Variants in EHMT1 observed in about 807,000 individuals in gnomAD.
The protein encoded by EHMT1 is euchromatic histone lysine methyltransferase 1, also known as histone-lysine N-methyltransferase EHMT1.
A neutral mutation model predicts 147.2 loss-of-function variants in EHMT1; 15 were observed. That is an observed-to-expected ratio of 0.10 (90% CI 0.07 to 0.16). EHMT1 has a LOEUF of 0.16. EHMT1 is among the 10% of genes least tolerant of loss of function. The probability of loss-of-function intolerance (pLI) is 1.00; values close to 1 mark genes in which losing one functional copy is unlikely to be tolerated. For missense variants in EHMT1, 1,587 were observed against 1,772.4 expected (o/e 0.90, Z 1.88); for synonymous variants, 795 against 709.6 (o/e 1.12, Z -1.91).
chr9:137,782,570 C>T lies in EHMT1; in HGVS notation c.2382+173C>T, dbSNP rs374921597. Among the ~76,000 whole-genome samples the T allele has an allele frequency of 9.2e-5, 14 of 152,310 alleles. No individual in the cohort carries two copies. The East Asian group carries it at 2.3e-3, about 25-fold the overall frequency. ...GTCCTGCAGGTGGATCAGTGCTTCCCGCTGTTTCTTCCGGCATTTACCACG... is the reference window on the plus strand; with the variant it reads ...GTCCTGCAGGTGGATCAGTGCTTCCTGCTGTTTCTTCCGGCATTTACCACG... On this transcript the variant is annotated intron_variant, in intron 15 of 26. Coordinates refer to ENST00000460843, the MANE Select transcript of EHMT1 (RefSeq NM_024757.5). The surrounding 1 kb of genome is among the most constrained non-coding windows in gnomAD (Gnocchi z 5.7).
intron 1 of EHMT1, among the ~76,000 whole-genome samples, chr9:137,634,759 G>A (rs1286422396): frequency 7.1e-6 from 1 of 141,456 alleles, no homozygotes; most frequent in African/African-American, 2.7e-5. Flanking sequence ...CTGGAGTGCC[G>A]TGGTGCGATC....
intron 1 of EHMT1, among the ~76,000 whole-genome samples, chr9:137,679,114 C>T (rs1200011385): frequency 6.6e-6 from 1 of 152,076 alleles, no homozygotes; most frequent in African/African-American, 2.4e-5. Flanking sequence ...CCATGCCCAG[C>T]TAATTTTTGT....
intron 23 of EHMT1, chr9:137,816,304 C>A: frequency 1.7e-6 from 1 of 577,620 alleles, no homozygotes; most frequent in Non-Finnish European, 3.2e-6. Flanking sequence ...GTTGTTGGGT[C>A]AGTCCAGCTA....
chr9:137,744,933 T>G, intron 6 of EHMT1, among the ~76,000 whole-genome samples: 1 of 152,274 alleles, frequency 6.6e-6, no homozygotes, highest in East Asian at 1.9e-4. Flanking sequence ...GTTTCGGAGT[T>G]ACATTCATGC....
At chr9:137,814,687 C>G in intron 22 of EHMT1, 179 bp downstream of exon 22, 1 of 709,828 alleles carries the variant, frequency 1.4e-6, no homozygotes, top group South Asian at 1.6e-5. Context: ...GAGTCAGGGT[C>G]GTGAGCCGAG....
intron 3 of EHMT1, among the ~76,000 whole-genome samples, chr9:137,718,140 T>C (rs116422099): frequency 0.16 from 21,249 of 135,952 alleles, 2,744 homozygotes; most frequent in African/African-American, 0.42. Context: ...AGGGCGCGCC[T>C]GCCCCTCACA....
chr9:137,789,041 T>C, intron 15 of EHMT1: 1 of 152,664 alleles, frequency 6.6e-6, no homozygotes, highest in Non-Finnish European at 1.5e-5. Context: ...AGAGCTTTCT[T>C]GGACTTTGTC....
chr9:137,792,474 G>A (rs1457812407), intron 16 of EHMT1, among the ~76,000 whole-genome samples: 1 of 152,216 alleles, frequency 6.6e-6, no homozygotes, highest in South Asian at 2.1e-4. Context: ...GGAGGCTGAG[G>A]CAGGTGGATC....
intron 21 of EHMT1, 162 bp from the exon 22 acceptor site, chr9:137,814,269 C>A: frequency 1.3e-6 from 1 of 755,104 alleles, no homozygotes; most frequent in South Asian, 1.5e-5. Context: ...CATGTTTCTG[C>A]CTGCACAGCC....
intron 1 of EHMT1, among the ~76,000 whole-genome samples, chr9:137,677,156 CAG>C (rs1223636001): frequency 1.3e-5 from 2 of 151,346 alleles, no homozygotes; most frequent in East Asian, 1.9e-4. Flanking sequence ...TTTTTTAAGA[CAG>C]AGTTTCGCTC....
chr9:137,792,453 C>A (rs902665419), intron 16 of EHMT1, among the ~76,000 whole-genome samples: 26 of 152,168 alleles, frequency 1.7e-4, no homozygotes, highest in African/African-American at 6.3e-4. Context: ...GCCTGTAATC[C>A]CAGCACGTTG....
intron 1 of EHMT1, among the ~76,000 whole-genome samples, chr9:137,625,384 T>C (rs950711951): frequency 3.3e-5 from 5 of 152,118 alleles, no homozygotes; most frequent in African/African-American, 1.2e-4. Flanking sequence ...TTGTTGTTGT[T>C]GGAGAGAGAC....
chr9:137,820,191 T>G (rs1955292154), intron 25 of EHMT1: 1 of 152,204 alleles, frequency 6.6e-6, no homozygotes, highest in Non-Finnish European at 1.5e-5. Flanking sequence ...GTGAAATGAC[T>G]TGTGTTTCAT....
At chr9:137,741,798 A>C (rs1479426444) in intron 4 of EHMT1, among the ~76,000 whole-genome samples, 1 of 152,168 alleles carries the variant, frequency 6.6e-6, no homozygotes, top group Non-Finnish European at 1.5e-5. Flanking sequence ...GGTTGGGAAA[A>C]AAATTCTGCT....
At chr9:137,767,178 G>A (rs921836209) in intron 10 of EHMT1, among the ~76,000 whole-genome samples, 7 of 152,244 alleles carry the variant, frequency 4.6e-5, no homozygotes, top group African/African-American at 9.6e-5. Context: ...GGAGTGCAGC[G>A]GTGCAGGCAG....
rs143416775 is a variant in EHMT1 at position 137,658,430 on chromosome 9, C to T, written c.21+39381C>T. On this transcript the variant is annotated intron_variant, in intron 1 of 26. Transcript: ENST00000460843. ...CCTCCCAAAATGCTGGGATTAGAAG[C>T]GTGAGCCACCGCACCCAGCGCCCAG... Among the ~76,000 whole-genome samples, 307 of 152,202 alleles carry T rather than the reference C, an allele frequency of 2.0e-3. 1 individual carries two copies. Among genetic ancestry groups the T allele is most frequent in the African/African-American group, 6.7e-3 (278 of 41,524 alleles).
intron 1 of EHMT1, among the ~76,000 whole-genome samples, chr9:137,698,125 A>G (rs1429040825): frequency 1.3e-5 from 2 of 152,232 alleles, no homozygotes; most frequent in Non-Finnish European, 2.9e-5. Flanking sequence ...ATGCAGAGAC[A>G]CAGTGTGGAA....
chr9:137,815,780 A>AC (rs1954870640), intron 22 of EHMT1, 167 bp from the exon 23 acceptor site: 1 of 685,800 alleles, frequency 1.5e-6, no homozygotes, highest in Admixed American at 2.0e-5. Flanking sequence ...TCTCATCCAA[A>AC]CCGTACACAT....
intron 1 of EHMT1, among the ~76,000 whole-genome samples, chr9:137,710,752 A>C (rs930511384): frequency 6.6e-6 from 1 of 152,204 alleles, no homozygotes; most frequent in Admixed American, 6.5e-5. Flanking sequence ...TGTCTTCAAA[A>C]ATAGAAATAC....
Sources: gnomAD v4.1 joint callset for allele counts (sites outside exome capture counted in the v4.1 genomes callset) on GRCh38, gnomAD v4.1.1 for gene constraint, Gnocchi (gnomAD v3.1) non-coding constraint, MANE v1.5 for transcripts, NCBI Gene and HGNC (gene_info 2026-07-23, HGNC 2026-07-21) for gene names.